ANXA2: variants seen among roughly 807,000 people sequenced by gnomAD.
ANXA2 encodes annexin II.
ANXA2 carries 28 observed loss-of-function variants against 47.3 expected under a neutral mutation model. That is an observed-to-expected ratio of 0.59 (90% CI 0.44 to 0.81). ANXA2 has a LOEUF of 0.81. Ranked by LOEUF, ANXA2 falls within the 40% of genes least tolerant of loss-of-function variation. ANXA2 has a pLI of 0.00. For missense variants in ANXA2, 384 were observed against 414.3 expected, an observed-to-expected ratio of 0.93 and a Z score of 0.64; for synonymous variants, 172 against 155.5, an observed-to-expected ratio of 1.11 and a Z score of -0.79.
intron 1 of ANXA2, chr15:60,397,327 C>G: frequency 4.1e-6 from 4 of 985,670 alleles, no homozygotes; most frequent in South Asian, 4.7e-5. Flanking sequence ...AGTTGCTATG[C>G]TACAAGATAA....
chr15:60,387,581 C>T (rs1268925450), intron 1 of ANXA2, among the ~76,000 whole-genome samples: 1 of 152,176 alleles, frequency 6.6e-6, no homozygotes, highest in East Asian at 1.9e-4. Flanking sequence ...TCATACCATT[C>T]TGGAAAAGGC....
chr15:60,358,988 T>G (rs867065761), intron 5 of ANXA2, among the ~76,000 whole-genome samples: 4 of 152,204 alleles, frequency 2.6e-5, no homozygotes, highest in Non-Finnish European at 5.9e-5. Flanking sequence ...GCCCAAACTC[T>G]CCACAGACTG....
Position 60,397,981 on chromosome 15 carries a change from C to G in ANXA2, c.-50G>C. The G allele has an allele frequency of 8.1e-7, 1 of 1,227,586 alleles. No individual in the cohort carries two copies. The highest frequency in any genetic ancestry group is 3.1e-5 in the South Asian group (1 of 32,482). The allele number at this position is 1,227,586 out of a possible 1,614,324, so 76.0% of individuals were successfully genotyped here. A position where few individuals can be genotyped will look rare whatever the true frequency, so the allele number is the denominator to read the frequency against. On this transcript the variant is annotated 5_prime_UTR_variant, in exon 1 of 13. Coordinates refer to ENST00000451270, the MANE Select transcript of ANXA2 (RefSeq NM_004039.3). ...CGAGAGCTGAGAGCGTCCCCAAATG[C>G]TGAGCAGAGCCGGCTGGCCTGGGTG...
chr15:60,382,527 G>C, intron 2 of ANXA2, 86 bp from the exon 3 acceptor site: 1 of 978,468 alleles, frequency 1.0e-6, no homozygotes, highest in Non-Finnish European at 1.6e-6. Flanking sequence ...TTTTCCTATT[G>C]TTTCTTTTAA....
chr15:60,376,945 G>A (rs1183367818), intron 3 of ANXA2, among the ~76,000 whole-genome samples: 3 of 152,338 alleles, frequency 2.0e-5, no homozygotes, highest in South Asian at 4.1e-4. Flanking sequence ...GTAGCGTCCC[G>A]GCACACTCAC....
chr15:60,351,067 G>C, intron 11 of ANXA2, 126 bp downstream of exon 11: 1 of 860,424 alleles, frequency 1.2e-6, no homozygotes, highest in Non-Finnish European at 1.9e-6. Context: ...CAGCTGACTA[G>C]TGTGTTCCTG....
At chr15:60,362,928 G>C (rs555258421) in intron 4 of ANXA2, 3 of 149,714 alleles carry the variant, frequency 2.0e-5, no homozygotes, top group Admixed American at 1.3e-4. Flanking sequence ...CCAGCAGTTT[G>C]GGAGGCTGAG....
At chr15:60,384,777 T>C (rs536935169) in intron 2 of ANXA2, 207 of 152,356 alleles carry the variant, frequency 1.4e-3, no homozygotes, top group African/African-American at 4.8e-3. Context: ...TGATGGCAAG[T>C]ACCATGAACA....
chr15:60,394,512 A>C (rs932292685), intron 1 of ANXA2: 1 of 152,210 alleles, frequency 6.6e-6, no homozygotes, highest in African/African-American at 2.4e-5. Flanking sequence ...CAGCCTGGCC[A>C]ACATGATGAA....
chr15:60,383,428 C>T lies in ANXA2; in HGVS notation c.49-987G>A, dbSNP rs115504291. On this transcript the variant is annotated intron_variant, in intron 2 of 12. Transcript: ENST00000451270. ...ACAGGCGTGGTGGCTCACGCCCAGC[C>T]TTTCAGTGCTTTTCAAAGCTCATTA... is the stretch of plus-strand genomic sequence containing the variant. The T allele has an allele frequency of 9.4e-3, 1,433 of 152,426 alleles. 12 individuals are homozygous for T. Among genetic ancestry groups the T allele is most frequent in the Middle Eastern group, 0.03 (9 of 296 alleles). The allele number at this position is 152,426 out of a possible 1,614,324, so 9.4% of individuals were successfully genotyped here.
chr15:60,393,068 T>C, intron 1 of ANXA2: 1 of 1,287,644 alleles, frequency 7.8e-7, no homozygotes, highest in Non-Finnish European at 1.0e-6. Context: ...TTCTCCTTGG[T>C]TTTATGGTCT....
intron 1 of ANXA2, chr15:60,390,600 A>G (rs1314820150): frequency 3.4e-6 from 1 of 291,470 alleles, no homozygotes; most frequent in East Asian, 9.2e-5. Context: ...TGCAGATCTA[A>G]GAAAATGCTG....
chr15:60,397,807 C>T (rs543064822), intron 1 of ANXA2, 136 bp downstream of exon 1: 3 of 1,340,390 alleles, frequency 2.2e-6, no homozygotes, highest in East Asian at 3.1e-5. Flanking sequence ...CCGGCCGTCC[C>T]TTCAGCCCCC....
chr15:60,386,446 A>G (rs905939242), intron 1 of ANXA2: 1 of 171,562 alleles, frequency 5.8e-6, no homozygotes, highest in African/African-American at 2.4e-5. Context: ...GGCTTGCCGA[A>G]CCAGCCACTA....
chr15:60,384,966 T>C (rs1018541981), intron 2 of ANXA2: 3 of 152,276 alleles, frequency 2.0e-5, no homozygotes, highest in African/African-American at 2.4e-5. Flanking sequence ...GGAAGATGTA[T>C]AGTACCATTA....
rs567083246 is a variant in ANXA2 at position 60,355,945 on chromosome 15, G to C, written c.502C>G (p.Arg168Gly). Residue 168 changes from arginine (R) to glycine (G), a missense_variant, in exon 7 of 13, where the codon CGC (arginine) becomes GGC (glycine). Arg to Gly is a moderately radical substitution (Grantham distance 125). Transcript: ENST00000451270. ...DIISDTSGDF[R>G]KLMVALAKGR... ...TTTGCCAGGGCAACCATCAGCTTGCGGAAGTCACCAGATGTGTCCGAAATA... is the reference window on the plus strand; with the variant it reads ...TTTGCCAGGGCAACCATCAGCTTGCCGAAGTCACCAGATGTGTCCGAAATA... The C allele has an allele frequency of 1.2e-6, 2 of 1,614,110 alleles. No homozygotes were observed. The highest frequency in any genetic ancestry group is 2.2e-5 in the South Asian group (2 of 91,080).
intron 7 of ANXA2, 104 bp from the exon 8 acceptor site, chr15:60,354,317 T>A (rs2062392221): frequency 1.1e-6 from 1 of 942,650 alleles, no homozygotes; most frequent in South Asian, 1.7e-5. Context: ...ATTTCCTAAA[T>A]AAGTAACCAC....
chr15:60,388,057 G>A (rs1229403653), intron 1 of ANXA2, among the ~76,000 whole-genome samples: 1 of 151,828 alleles, frequency 6.6e-6, no homozygotes, highest in Non-Finnish European at 1.5e-5. Flanking sequence ...GCGTGGGGGC[G>A]GGCGCCTGTA....
intron 4 of ANXA2, chr15:60,362,539 G>A (rs1016619784): frequency 4.6e-5 from 7 of 152,118 alleles, no homozygotes; most frequent in East Asian, 1.9e-4. Flanking sequence ...TCTGCCAGCC[G>A]GGCCTAGGTT....
Sources: allele counts gnomAD v4.1 joint callset (sites outside exome capture counted in the v4.1 genomes callset), GRCh38; gene constraint gnomAD v4.1.1; transcripts MANE v1.5; gene names NCBI Gene and HGNC (gene_info 2026-07-23, HGNC 2026-07-21).